The following LYPD6B variants were observed in gnomAD, a reference collection of about 807,000 sequenced individuals.
The protein encoded by LYPD6B is ly6/PLAUR domain-containing protein 6B.
Under a neutral mutation model 22.8 loss-of-function variants are expected in LYPD6B, and 17 were observed. The observed-to-expected ratio is 0.75, with a 90% CI of 0.51 to 1.12. LYPD6B has a LOEUF of 1.12. Among genes scored for constraint, LYPD6B ranks in the 50% most tolerant of loss-of-function variants. The probability of loss-of-function intolerance (pLI) is 0.00; values close to 1 mark genes in which losing one functional copy is unlikely to be tolerated. For synonymous variants in LYPD6B, 106 were observed against 91.6 expected, an observed-to-expected ratio of 1.16 and a Z score of -0.90; for missense variants, 221 against 258.3, an observed-to-expected ratio of 0.86 and a Z score of 0.99.
At chr2:149,169,179 G>T (rs116156880) in intron 3 of LYPD6B, among the ~76,000 whole-genome samples, 1,713 of 152,148 alleles carry the variant, frequency 0.011, 35 homozygotes, top group African/African-American at 0.039. Flanking sequence ...GCTCTTGGGG[G>T]TCTAGGTGAG....
chr2:149,199,239 A>G (rs1693010245), intron 3 of LYPD6B, among the ~76,000 whole-genome samples: 1 of 152,138 alleles, frequency 6.6e-6, no homozygotes, highest in East Asian at 1.9e-4. Context: ...TCTAAGACTC[A>G]CTTTTCTTAC....
At chr2:149,208,506 T>C in intron 5 of LYPD6B, 94 bp downstream of exon 5, 1 of 1,028,978 alleles carries the variant, frequency 9.7e-7, no homozygotes, top group Non-Finnish European at 1.5e-6. Flanking sequence ...ATGTATTTTT[T>C]TCTGAGACTA....
At chr2:149,146,213 T>G (rs955934642) in intron 2 of LYPD6B, among the ~76,000 whole-genome samples, 1 of 152,200 alleles carries the variant, frequency 6.6e-6, no homozygotes, top group Admixed American at 6.5e-5. Context: ...CGTGGCGTGC[T>G]CATGGGGGAA....
intron 3 of LYPD6B, among the ~76,000 whole-genome samples, chr2:149,177,653 C>T (rs1212490263): frequency 5.3e-5 from 8 of 152,120 alleles, no homozygotes; most frequent in Admixed American, 5.2e-4. Flanking sequence ...GCTCTGTGGG[C>T]AAATCTCATG....
chr2:149,191,576 T>A (rs887448423), intron 3 of LYPD6B, among the ~76,000 whole-genome samples: 2 of 152,238 alleles, frequency 1.3e-5, no homozygotes, highest in African/African-American at 4.8e-5. Context: ...ACTGTTTTAA[T>A]TATTGGCACA....
At chr2:149,194,127 T>C (rs971821210) in intron 3 of LYPD6B, among the ~76,000 whole-genome samples, 1 of 152,238 alleles carries the variant, frequency 6.6e-6, no homozygotes, top group Non-Finnish European at 1.5e-5. Flanking sequence ...TATCTTCTGG[T>C]ATACTGCTCA....
intron 1 of LYPD6B, among the ~76,000 whole-genome samples, chr2:149,109,754 C>T (rs532053764): frequency 6.6e-6 from 1 of 152,182 alleles, no homozygotes; most frequent in Admixed American, 6.5e-5. Flanking sequence ...CTTTGTCACC[C>T]AGGCTGTAGT....
chr2:149,068,239 T>C (rs889010834), intron 1 of LYPD6B, among the ~76,000 whole-genome samples: 1 of 152,130 alleles, frequency 6.6e-6, no homozygotes, highest in Admixed American at 6.6e-5. Flanking sequence ...TTGGAATACA[T>C]CATTGCCCTC....
intron 1 of LYPD6B, among the ~76,000 whole-genome samples, chr2:149,039,282 T>A (rs1187800844): frequency 6.6e-6 from 1 of 152,204 alleles, no homozygotes; most frequent in Non-Finnish European, 1.5e-5. Context: ...GTGCCGCCGC[T>A]TCCCTTGCCC....
chr2:149,095,018 G>A (rs1413696654), intron 1 of LYPD6B, among the ~76,000 whole-genome samples: 1 of 152,192 alleles, frequency 6.6e-6, no homozygotes, highest in Non-Finnish European at 1.5e-5. Context: ...GTGGCCGGGA[G>A]TGGTGGCTCA....
chr2:149,181,785 A>G (rs567113852), intron 3 of LYPD6B, among the ~76,000 whole-genome samples: 12 of 152,312 alleles, frequency 7.9e-5, no homozygotes, highest in African/African-American at 2.2e-4. Flanking sequence ...ACCTGTGGTC[A>G]TGCTCTTTGC....
At chr2:149,069,914 T>G (rs1684519229) in intron 1 of LYPD6B, among the ~76,000 whole-genome samples, 1 of 152,000 alleles carries the variant, frequency 6.6e-6, no homozygotes, top group East Asian at 1.9e-4. Flanking sequence ...CAACTTTTTT[T>G]TTTTTTTTAA....
chr2:149,134,772 T>C (rs575863176), intron 2 of LYPD6B, among the ~76,000 whole-genome samples: 61 of 152,318 alleles, frequency 4.0e-4, no homozygotes, highest in Middle Eastern at 3.4e-3. Flanking sequence ...ATCTGGGTTG[T>C]CAATCACTGT....
intron 2 of LYPD6B, among the ~76,000 whole-genome samples, chr2:149,142,629 T>TC (rs939187143): frequency 1.3e-5 from 2 of 151,994 alleles, no homozygotes; most frequent in African/African-American, 4.8e-5. Context: ...TATCAACCTC[T>TC]CCCCCCATAG....
intron 2 of LYPD6B, among the ~76,000 whole-genome samples, chr2:149,152,835 G>A (rs998215378): frequency 6.6e-6 from 1 of 152,160 alleles, no homozygotes; most frequent in Non-Finnish European, 1.5e-5. Flanking sequence ...CAGGGTTAAA[G>A]CTCAGTAGGA....
chr2:149,133,558 A>C (rs566831263), intron 2 of LYPD6B, among the ~76,000 whole-genome samples: 3 of 152,338 alleles, frequency 2.0e-5, no homozygotes, highest in Non-Finnish European at 4.4e-5. Context: ...AGAGCTGGGC[A>C]TCTTTCAAGA....
chr2:149,134,293 A>G (rs1287714488), intron 2 of LYPD6B, among the ~76,000 whole-genome samples: 1 of 152,166 alleles, frequency 6.6e-6, no homozygotes. Context: ...TTTTAACCAT[A>G]GTTTTATGAG....
chr2:149,168,394 T>C (rs1015293259), intron 3 of LYPD6B, among the ~76,000 whole-genome samples: 5 of 152,116 alleles, frequency 3.3e-5, no homozygotes, highest in Non-Finnish European at 5.9e-5. Flanking sequence ...AGTGGCACCT[T>C]CTTTAAAGCT....
At chr2:149,182,865 G>A (rs1559060590) in intron 3 of LYPD6B, among the ~76,000 whole-genome samples, 1 of 152,212 alleles carries the variant, frequency 6.6e-6, no homozygotes, top group Non-Finnish European at 1.5e-5. Context: ...TACTTTCCAT[G>A]AGAAAATGTT....
Sources: gnomAD v4.1 joint callset for allele counts (sites outside exome capture counted in the v4.1 genomes callset) on GRCh38, gnomAD v4.1.1 for gene constraint, MANE v1.5 for transcripts, NCBI Gene and HGNC (gene_info 2026-07-23, HGNC 2026-07-21) for gene names.